FSHR: variants seen among roughly 807,000 people sequenced by gnomAD.
FSHR encodes follicle-stimulating hormone receptor.
A neutral mutation model predicts 52.1 loss-of-function variants in FSHR; 46 were observed. The observed-to-expected ratio is 0.88, with a 90% confidence interval of 0.70 to 1.13. The LOEUF is 1.13. FSHR is among the 50% of genes most tolerant of loss of function. FSHR has a pLI of 0.00. For missense variants in FSHR, 964 were observed against 834.6 expected, an observed-to-expected ratio of 1.16 and a Z score of -1.91; for synonymous variants, 399 against 309.6, an observed-to-expected ratio of 1.29 and a Z score of -3.03.
chr2:49,154,247 C>T lies in FSHR; in HGVS notation c.152+19G>A, dbSNP rs769566829. The T allele has an allele frequency of 2.9e-5, 46 of 1,612,560 alleles. 1 individual carries two copies. The highest frequency in any genetic ancestry group is 3.2e-5 in the Non-Finnish European group (38 of 1,178,904). On this transcript the variant is annotated intron_variant, in intron 1 of 9. Transcript: ENST00000406846. ...CAAATGCCAGCCATGCAGTTGTTCC[C>T]CCTCCCTCTGATACTCACAGTTCAA...
chr2:49,087,210 T>A (rs1670434067), intron 1 of FSHR, among the ~76,000 whole-genome samples: 1 of 151,870 alleles, frequency 6.6e-6, no homozygotes, highest in Admixed American at 6.6e-5. Flanking sequence ...TCCTCTTCTT[T>A]GTTCAATGGA....
At chr2:49,025,797 G>A (rs1342489605) in intron 2 of FSHR, among the ~76,000 whole-genome samples, 4 of 152,082 alleles carry the variant, frequency 2.6e-5, no homozygotes, top group East Asian at 1.9e-4. Context: ...TTATTATTCC[G>A]AACCCAAGCC....
chr2:48,963,192 C>A lies in FSHR; in HGVS notation c.1629G>T (p.Val543=). The A allele has an allele frequency of 1.9e-6, 3 of 1,614,108 alleles. No individual in the cohort carries two copies. The highest frequency in any genetic ancestry group is 2.5e-6 in the Non-Finnish European group (3 of 1,180,018). The change falls in exon 10 of 10, where the codon GTG becomes GTT. Residue 543 remains valine (V), a synonymous_variant. Coordinates refer to ENST00000406846, the MANE Select transcript of FSHR (RefSeq NM_000145.4). The part of the protein sequence containing the change: ...SLLVLNVLAF[V]VICGCYIHIY... ...TGTGGATATAGCAGCCACAGATGACCACAAAGGCCAGGACATTGAGCACAA... is the reference window on the plus strand; with the variant it reads ...TGTGGATATAGCAGCCACAGATGACAACAAAGGCCAGGACATTGAGCACAA...
rs572804166 is a variant in FSHR, at chr2:48,970,562, C to G, written c.669-1679G>C. On this transcript the variant is annotated intron_variant, in intron 8 of 9. Coordinates refer to ENST00000406846, the MANE Select transcript of FSHR (RefSeq NM_000145.4). Reference sequence around the variant, plus strand: ...CTTTAAATATTAGTATATCTTTATACCTAGACCCCTTCTGACTATACCCAA... The same window carrying G: ...CTTTAAATATTAGTATATCTTTATAGCTAGACCCCTTCTGACTATACCCAA... Among the ~76,000 whole-genome samples the G allele has an allele frequency of 2.6e-5, 4 of 152,254 alleles. No homozygotes were observed. The South Asian group carries it at 8.3e-4, about 32-fold the overall frequency.
At chr2:49,040,713 G>A (rs1668451767) in intron 2 of FSHR, among the ~76,000 whole-genome samples, 1 of 152,180 alleles carries the variant, frequency 6.6e-6, no homozygotes, top group Admixed American at 6.5e-5. Flanking sequence ...CTGGCAGCAG[G>A]GAGGGTCCTT....
chr2:49,093,611 T>TC (rs1670701999), intron 1 of FSHR, among the ~76,000 whole-genome samples: 1 of 150,890 alleles, frequency 6.6e-6, no homozygotes, highest in Admixed American at 6.6e-5. Flanking sequence ...TTTTTTTTTT[T>TC]TGAGACGGAG....
chr2:49,111,400 T>C (rs1671417859), intron 1 of FSHR, among the ~76,000 whole-genome samples: 1 of 152,168 alleles, frequency 6.6e-6, no homozygotes, highest in African/African-American at 2.4e-5. Flanking sequence ...AGACCGATTA[T>C]AGTTTTTGCC....
At chr2:49,147,290 A>G (rs1672904279) in intron 1 of FSHR, among the ~76,000 whole-genome samples, 1 of 152,094 alleles carries the variant, frequency 6.6e-6, no homozygotes, top group African/African-American at 2.4e-5. Flanking sequence ...TATATAAGCT[A>G]AAATCTAGTC....
At chr2:48,973,495 G>T (rs925519559) in intron 8 of FSHR, among the ~76,000 whole-genome samples, 1 of 152,216 alleles carries the variant, frequency 6.6e-6, no homozygotes, top group East Asian at 1.9e-4. Context: ...AGGCAATAGA[G>T]AACCAAAACA....
chr2:49,029,984 C>T (rs947280078), intron 2 of FSHR, among the ~76,000 whole-genome samples: 6 of 152,256 alleles, frequency 3.9e-5, no homozygotes, highest in East Asian at 3.9e-4. Flanking sequence ...TAGGGTGAGG[C>T]GGGGCTCCAT....
chr2:49,030,562 C>A (rs1348906182), intron 2 of FSHR, among the ~76,000 whole-genome samples: 1 of 152,066 alleles, frequency 6.6e-6, no homozygotes, highest in Non-Finnish European at 1.5e-5. Flanking sequence ...CCTTTATGAG[C>A]CACAGTGAAG....
chr2:49,085,773 A>T (rs904974446), intron 1 of FSHR, among the ~76,000 whole-genome samples: 3 of 152,206 alleles, frequency 2.0e-5, no homozygotes, highest in Non-Finnish European at 4.4e-5. Flanking sequence ...ACCATGGAAT[A>T]CTATGCAGCC....
intron 1 of FSHR, among the ~76,000 whole-genome samples, chr2:49,097,975 T>C (rs1347763019): frequency 1.3e-5 from 2 of 152,160 alleles, no homozygotes; most frequent in African/African-American, 4.8e-5. Context: ...ATATTTGGTA[T>C]CTACCATTAT....
At chr2:49,028,261 C>A (rs138851733) in intron 2 of FSHR, among the ~76,000 whole-genome samples, 1 of 152,284 alleles carries the variant, frequency 6.6e-6, no homozygotes, top group South Asian at 2.1e-4. Flanking sequence ...TAGATGTTTG[C>A]GGTGTAGCAG....
intron 1 of FSHR, among the ~76,000 whole-genome samples, chr2:49,104,861 G>A (rs1031547525): frequency 1.3e-5 from 2 of 151,728 alleles, no homozygotes; most frequent in Non-Finnish European, 2.9e-5. Context: ...AGAGATGGGG[G>A]GAGGGGGGGC....
intron 1 of FSHR, among the ~76,000 whole-genome samples, chr2:49,145,989 G>C (rs1259562715): frequency 6.6e-6 from 1 of 152,004 alleles, no homozygotes; most frequent in Non-Finnish European, 1.5e-5. Context: ...AGGGTTGAGA[G>C]GATGTAAGAG....
At chr2:48,978,627 A>AT (rs1675101026) in intron 8 of FSHR, among the ~76,000 whole-genome samples, 1 of 152,254 alleles carries the variant, frequency 6.6e-6, no homozygotes, top group Non-Finnish European at 1.5e-5. Flanking sequence ...TTAAAAAAAA[A>AT]CAACCTTGAG....
At position 49,067,401 on chromosome 2, in the gene FSHR, A is replaced by G. The variant is rs539522108; in HGVS notation, c.224+818T>C. The stretch of plus-strand genomic sequence containing the variant: ...GTTAATGACTTCAAGAAAGAAACAC[A>G]TGAACTAAAGGTTTTCTTTCTTGCC... On this transcript the variant is annotated intron_variant, in intron 2 of 9. Coordinates refer to ENST00000406846, the MANE Select transcript of FSHR (RefSeq NM_000145.4). Among the ~76,000 whole-genome samples the G allele has an allele frequency of 1.1e-3, 166 of 152,298 alleles. 1 individual carries two copies. Among genetic ancestry groups the G allele is most frequent in the Non-Finnish European group, 2.1e-3 (142 of 68,014 alleles).
At chr2:49,114,092 G>C (rs1671518833) in intron 1 of FSHR, among the ~76,000 whole-genome samples, 1 of 152,108 alleles carries the variant, frequency 6.6e-6, no homozygotes, top group South Asian at 2.1e-4. Flanking sequence ...CTGAAGACTT[G>C]CTTCCCAGAA....
Sources: allele counts gnomAD v4.1 joint callset (sites outside exome capture counted in the v4.1 genomes callset), GRCh38; gene constraint gnomAD v4.1.1; transcripts MANE v1.5; gene names NCBI Gene and HGNC (gene_info 2026-07-23, HGNC 2026-07-21).